Variants in NF1 observed in about 807,000 individuals in gnomAD.
NF1 encodes the protein neurofibromin 1.
NF1 carries 122 observed loss-of-function variants against 325.7 expected under a neutral mutation model. The ratio of observed to expected loss-of-function variants is 0.37; its 90% CI spans 0.32 to 0.44. The LOEUF (loss-of-function observed/expected upper bound fraction) is 0.44. Ranked by LOEUF, NF1 falls within the 20% of genes least tolerant of loss-of-function variation. The pLI, the probability that NF1 is intolerant of heterozygous loss-of-function variation, is 1.00. For missense variants in NF1, 2,140 were observed against 3,415.4 expected, an observed-to-expected ratio of 0.63 and a Z score of 9.31; for synonymous variants, 1,091 against 1,186.0, an observed-to-expected ratio of 0.92 and a Z score of 1.65.
intron 1 of NF1, among the ~76,000 whole-genome samples, chr17:31,126,392 T>A (rs1914892420): frequency 6.6e-6 from 1 of 152,128 alleles, no homozygotes; most frequent in Non-Finnish European, 1.5e-5. Flanking sequence ...TTTTTCTGTT[T>A]GGATTGTTTA....
rs555349875 is a variant in NF1, at chr17:31,316,022, G to C, written c.4836-9798G>C. Reference sequence around the variant, plus strand: ...AGCAATCCTCCTGCCTCAGCCTCTCGAGTAGCTAGGACTACAGGCACATGC... The same window carrying C: ...AGCAATCCTCCTGCCTCAGCCTCTCCAGTAGCTAGGACTACAGGCACATGC... On this transcript the variant is annotated intron_variant, in intron 36 of 57. Coordinates refer to ENST00000358273, the MANE Select transcript of NF1 (RefSeq NM_001042492.3). Among the ~76,000 whole-genome samples, 5 of 151,976 alleles carry C rather than the reference G, an allele frequency of 3.3e-5. No homozygotes were observed. In the South Asian group the frequency reaches 6.3e-4, roughly 19 times the overall value.
At chr17:31,283,045 A>C (rs910967384) in intron 36 of NF1, among the ~76,000 whole-genome samples, 1 of 152,164 alleles carries the variant, frequency 6.6e-6, no homozygotes, top group Non-Finnish European at 1.5e-5. Context: ...CACACTTTGA[A>C]CTTTAACTTC....
At chr17:31,211,074 C>A (rs2066720611) in intron 12 of NF1, among the ~76,000 whole-genome samples, 1 of 152,144 alleles carries the variant, frequency 6.6e-6, no homozygotes, top group South Asian at 2.1e-4. Flanking sequence ...TTCTTACATG[C>A]CTGTTATTCA....
At chr17:31,201,203 T>C (rs2143881585) in intron 10 of NF1, 44 bp downstream of exon 10, 1 of 1,611,024 alleles carries the variant, frequency 6.2e-7, no homozygotes, top group Admixed American at 1.7e-5. Flanking sequence ...CTGATGCTGT[T>C]ATCCTTTATA....
At position 31,229,244 on chromosome 17, in the gene NF1, A is replaced by T. The variant is rs764950557; in HGVS notation, c.2629A>T (p.Met877Leu). The part of the protein sequence containing the change: ...MGPVSERKGS[M>L]ISVMSSEGNA... Reference sequence around the variant, plus strand: ...TCCAGTCAGTGAACGTAAGGGTTCTATGATTTCAGTGATGTCTTCAGAGGG... The same window carrying T: ...TCCAGTCAGTGAACGTAAGGGTTCTTTGATTTCAGTGATGTCTTCAGAGGG... Residue 877 changes from methionine to leucine, a missense_variant, in exon 21 of 58, where the codon ATG becomes TTG. By Grantham distance (15) the Met-to-Leu change is conservative. Transcript: ENST00000358273. The T allele has an allele frequency of 6.2e-7, 1 of 1,612,758 alleles. No individual in the cohort carries two copies. Among genetic ancestry groups the T allele is most frequent in the Non-Finnish European group, 8.5e-7 (1 of 1,179,834 alleles).
At position 31,363,075 on chromosome 17, in the gene NF1, C is replaced by G. The variant is rs565419520; in HGVS notation, c.8377+2372C>G. Among the ~76,000 whole-genome samples the G allele has an allele frequency of 3.3e-5, 5 of 152,290 alleles. No individual in the cohort carries two copies. In the East Asian group the frequency reaches 9.6e-4, roughly 29 times the overall value. On this transcript the variant is annotated intron_variant, in intron 57 of 57. Coordinates refer to ENST00000358273, the MANE Select transcript of NF1 (RefSeq NM_001042492.3). ...GTGCCTTTATTCAGGCTGGAAATCT[C>G]TGACTATACACAGAAGAGATGAGGA...
At chr17:31,316,581 TTGTGTTACTCCTGGA>T (rs1202566400) in intron 36 of NF1, among the ~76,000 whole-genome samples, 1 of 152,222 alleles carries the variant, frequency 6.6e-6, no homozygotes, top group Non-Finnish European at 1.5e-5. Flanking sequence ...AAGGAGTGCT[TTGTGTTACTCCTGGA>T]TGTACTGGTG....
At chr17:31,364,151 A>G (rs963717134) in intron 57 of NF1, among the ~76,000 whole-genome samples, 4 of 152,184 alleles carry the variant, frequency 2.6e-5, no homozygotes, top group African/African-American at 9.7e-5. Flanking sequence ...CTGTATAGAA[A>G]CCAAAACATT....
chr17:31,269,823 C>G (rs1485101777), intron 36 of NF1, among the ~76,000 whole-genome samples: 2 of 152,196 alleles, frequency 1.3e-5, no homozygotes, highest in Non-Finnish European at 2.9e-5. Context: ...TGGTGTGAGT[C>G]ACATGCCATT....
intron 57 of NF1, among the ~76,000 whole-genome samples, chr17:31,364,793 G>A (rs1212104121): frequency 6.6e-6 from 1 of 152,222 alleles, no homozygotes; most frequent in Non-Finnish European, 1.5e-5. Context: ...CTGGGATTCA[G>A]TGCATATAGA....
intron 8 of NF1, among the ~76,000 whole-genome samples, chr17:31,183,875 A>G (rs1205025803): frequency 6.6e-6 from 1 of 152,118 alleles, no homozygotes; most frequent in Non-Finnish European, 1.5e-5. Context: ...CAAGTTCTTT[A>G]GTTTTGGAAC....
chr17:31,290,020 G>A (rs2068315684), intron 36 of NF1, among the ~76,000 whole-genome samples: 1 of 151,598 alleles, frequency 6.6e-6, no homozygotes, highest in East Asian at 1.9e-4. Context: ...ATAGTATTTT[G>A]TATCTTGTAA....
chr17:31,250,412 C>A (rs1018406533), intron 30 of NF1: 10 of 215,334 alleles, frequency 4.6e-5, no homozygotes, highest in African/African-American at 1.4e-4. Context: ...TAGTCTGGGT[C>A]AGCTTCTTGG....
chr17:31,163,925 A>G (rs1268955490), intron 4 of NF1, among the ~76,000 whole-genome samples: 1 of 152,230 alleles, frequency 6.6e-6, no homozygotes, highest in South Asian at 2.1e-4. Context: ...TGATGTGAAA[A>G]CACAAGGAGG....
chr17:31,178,232 G>T (rs888613147), intron 5 of NF1, among the ~76,000 whole-genome samples: 4 of 152,288 alleles, frequency 2.6e-5, no homozygotes, highest in Middle Eastern at 3.4e-3. Context: ...TTAAAGAAAA[G>T]AATTTTCATC....
At chr17:31,117,542 G>A (rs1180048767) in intron 1 of NF1, among the ~76,000 whole-genome samples, 14 of 150,508 alleles carry the variant, frequency 9.3e-5, no homozygotes, top group Admixed American at 9.3e-4. Context: ...GCGTGGTGGC[G>A]GGCTCCTGTA....
At chr17:31,288,698 T>G (rs1429063381) in intron 36 of NF1, among the ~76,000 whole-genome samples, 1 of 151,888 alleles carries the variant, frequency 6.6e-6, no homozygotes, top group East Asian at 1.9e-4. Flanking sequence ...CCAGCTAATT[T>G]TTATATTTTT....
chr17:31,133,332 A>G (rs977264208), intron 1 of NF1: 11 of 152,194 alleles, frequency 7.2e-5, no homozygotes, highest in Non-Finnish European at 1.5e-4. Flanking sequence ...CCTACCTTTT[A>G]AAGGCTGAAT....
At chr17:31,145,166 A>G (rs1177542543) in intron 1 of NF1, among the ~76,000 whole-genome samples, 1 of 152,100 alleles carries the variant, frequency 6.6e-6, no homozygotes, top group Non-Finnish European at 1.5e-5. Context: ...GCTCTTCTTT[A>G]GATCTTTGCA....
Sources: allele counts gnomAD v4.1 joint callset (sites outside exome capture counted in the v4.1 genomes callset), GRCh38; gene constraint gnomAD v4.1.1; transcripts MANE v1.5; gene names NCBI Gene and HGNC (gene_info 2026-07-23, HGNC 2026-07-21).